APLP2: variants seen among roughly 807,000 people sequenced by gnomAD.
APLP2 encodes the protein amyloid beta precursor like protein 2.
APLP2 carries 53 observed loss-of-function variants against 89.9 expected under a neutral mutation model. The ratio of observed to expected loss-of-function variants is 0.59; its 90% CI spans 0.47 to 0.74. The LOEUF (loss-of-function observed/expected upper bound fraction) is 0.74, where lower values mean the gene tolerates loss of function less well. Ranked by LOEUF, APLP2 falls within the 30% of genes least tolerant of loss-of-function variation. The pLI, the probability that APLP2 is intolerant of heterozygous loss-of-function variation, is 0.00. For missense variants in APLP2, 973 were observed against 975.9 expected, an observed-to-expected ratio of 1.00 and a Z score of 0.04; for synonymous variants, 372 against 348.6, an observed-to-expected ratio of 1.07 and a Z score of -0.75.
chr11:130,090,247 CTTT>C lies in APLP2; in HGVS notation c.106-19163_106-19161del, dbSNP rs539249012. The stretch of plus-strand genomic sequence containing the variant: ...TGGAGTATTCTAGTTCTAGCTCTGT[CTTT>C]TTTTTTTTTTTTTTTTTTAAATTTA... On this transcript the variant is annotated intron_variant, in intron 1 of 16. Coordinates refer to ENST00000338167, the MANE Select transcript of APLP2 (RefSeq NM_001142276.2). Among the ~76,000 whole-genome samples the C allele has an allele frequency of 4.5e-3, 385 of 86,114 alleles. 3 individuals are homozygous for C. The highest frequency in any genetic ancestry group is 0.014 in the African/African-American group (324 of 23,130). The allele number at this position is 86,114 out of a possible 152,430, so 56.5% of individuals were successfully genotyped here. A position where few individuals can be genotyped will look rare whatever the true frequency, so the allele number is the denominator to read the frequency against.
rs371496726 is a variant in APLP2 at position 130,142,612 on chromosome 11, G to GTTTTGGTT, written c.2154+553_2154+560dup. Among the ~76,000 whole-genome samples the GTTTTGGTT allele has an allele frequency of 2.5e-3, 377 of 152,086 alleles. 1 individual carries two copies. Among genetic ancestry groups the GTTTTGGTT allele is most frequent in the African/African-American group, 8.8e-3 (365 of 41,462 alleles). ...CTTAGTTATTTGTGTTTTTTTGTTT[G>GTTTTGGTT]TTTTGGTTTTTTGGTTTTTTGGAGA... On this transcript the variant is annotated intron_variant, in intron 16 of 16. Coordinates refer to ENST00000338167, the MANE Select transcript of APLP2 (RefSeq NM_001142276.2).
rs1319192662 is a variant in APLP2 at position 130,141,953 on chromosome 11, T to C, written c.2033T>C (p.Leu678Pro). 1 of 1,612,266 alleles carries C rather than the reference T, an allele frequency of 6.2e-7. No homozygotes were observed. Among genetic ancestry groups the C allele is most frequent in the East Asian group, 2.2e-5 (1 of 44,800 alleles). ...SVGPLREDFS[L>P]SSSALIGLLV... ...GGCCCACTGCGGGAGGACTTCAGTC[T>C]GAGTAGCAGTGCTCTCATTGGCCTG... Residue 678 changes from leucine (L) to proline (P), a missense_variant, in exon 16 of 17, where the codon CTG (leucine) becomes CCG (proline). Physicochemically the swap from Leu to Pro is moderately conservative, Grantham distance 98. Transcript: ENST00000338167. The surrounding 1 kb of genome is among the most constrained non-coding windows in gnomAD (Gnocchi z 4.2).
chr11:130,086,759 C>T (rs1380737731), intron 1 of APLP2, among the ~76,000 whole-genome samples: 1 of 152,194 alleles, frequency 6.6e-6, no homozygotes, highest in African/African-American at 2.4e-5. Flanking sequence ...GTCTCTGCAA[C>T]ATTTGTTGCA....
rs1952412191 is a variant in APLP2, at chr11:130,141,678, AG to A, written c.1998+109del. The A allele has an allele frequency of 8.7e-6, 9 of 1,034,060 alleles. No homozygotes were observed. In the East Asian group the frequency reaches 2.2e-4, roughly 25 times the overall value. The allele number at this position is 1,034,060 out of a possible 1,614,324, so 64.1% of individuals were successfully genotyped here. On this transcript the variant is annotated intron_variant, in intron 15 of 16. Transcript: ENST00000338167. This position sits in a 1 kb window ranked among gnomAD's most constrained non-coding sequence, Gnocchi z 4.2. ...AACGGGAGAGATGCCTGAGCTAATA[AG>A]GGTCCCTCATCCCCAGCTTTCCGTA...
chr11:130,116,890 G>A (rs2135892250), intron 3 of APLP2, among the ~76,000 whole-genome samples: 1 of 152,224 alleles, frequency 6.6e-6, no homozygotes, highest in Non-Finnish European at 1.5e-5. Flanking sequence ...AGCACTTTGG[G>A]AGGCTGGGAT....
intron 1 of APLP2, chr11:130,070,608 C>A (rs1419603151): frequency 7.1e-7 from 1 of 1,399,286 alleles, no homozygotes; most frequent in Non-Finnish European, 9.3e-7. Flanking sequence ...TCGCGCGCGG[C>A]AGGGATGCTG....
Position 130,141,976 on chromosome 11 carries a change from C to T in APLP2, c.2056C>T (p.Leu686=). The part of the protein sequence containing the change: ...FSLSSSALIG[L]LVIAVAIATV... ...TCTGAGTAGCAGTGCTCTCATTGGC[C>T]TGCTGGTCATCGCAGTGGCCATTGC... The change falls in exon 16 of 17, where the codon CTG becomes TTG. Residue 686 remains leucine, a synonymous_variant. Coordinates refer to ENST00000338167, the MANE Select transcript of APLP2 (RefSeq NM_001142276.2). This position sits in a 1 kb window ranked among gnomAD's most constrained non-coding sequence, Gnocchi z 4.2. 6.2e-7 allele frequency: 1 copy of T among 1,614,134 alleles called. No individual in the cohort carries two copies. Among genetic ancestry groups the T allele is most frequent in the Non-Finnish European group, 8.5e-7 (1 of 1,180,014 alleles).
chr11:130,128,962 A>G (rs1432754540), intron 9 of APLP2, 86 bp from the exon 10 acceptor site: 2 of 1,465,582 alleles, frequency 1.4e-6, no homozygotes, highest in Non-Finnish European at 1.8e-6. Flanking sequence ...GGGCACTGAC[A>G]GGAGAAGCAC....
chr11:130,085,331 A>C lies in APLP2; in HGVS notation c.105+15249A>C, dbSNP rs183056037. Reference sequence around the variant, plus strand: ...GCCAAGCATGGTGGTAGGTGTGTGTAATCCCAGCTACTCCGGAGGCTGAGG... The same window carrying C: ...GCCAAGCATGGTGGTAGGTGTGTGTCATCCCAGCTACTCCGGAGGCTGAGG... On this transcript the variant is annotated intron_variant, in intron 1 of 16. Coordinates refer to ENST00000338167, the MANE Select transcript of APLP2 (RefSeq NM_001142276.2). 3.9e-5 allele frequency among the ~76,000 whole-genome samples: 6 copies of C among 152,308 alleles called. No homozygotes were observed. The East Asian group carries it at 1.2e-3, about 29-fold the overall frequency.
chr11:130,072,120 TAAAAAG>T (rs1270991629), intron 1 of APLP2, among the ~76,000 whole-genome samples: 1 of 152,158 alleles, frequency 6.6e-6, no homozygotes, highest in Non-Finnish European at 1.5e-5. Context: ...TACACCTGTT[TAAAAAG>T]AAAAAGCTCA....
In APLP2 at chr11:130,110,584, G is replaced by T; in HGVS notation, c.326G>T (p.Arg109Leu). The T allele has an allele frequency of 6.2e-7, 1 of 1,613,730 alleles. No homozygotes were observed. The highest frequency in any genetic ancestry group is 1.3e-5 in the African/African-American group (1 of 74,908). The change falls in exon 3 of 17, where the codon CGG becomes CTG. Residue 109 changes from arginine (R) to leucine (L), a missense_variant. Transcript: ENST00000338167. ...QITNVMEANQ[R>L]VSIDNWCRRD... ...ACAAATGTGATGGAGGCAAACCAGC[G>T]GGTTAGTATTGACAACTGGTGCCGG...
chr11:130,133,814 G>A (rs1029467581), intron 12 of APLP2, 86 bp downstream of exon 12: 1 of 1,026,496 alleles, frequency 9.7e-7, no homozygotes, highest in Non-Finnish European at 1.5e-6. Context: ...AGAGAGAGAT[G>A]AGCAAGCAAG....
At chr11:130,127,387 C>T (rs73041281) in intron 8 of APLP2, among the ~76,000 whole-genome samples, 358 of 152,290 alleles carry the variant, frequency 2.4e-3, no homozygotes, top group Non-Finnish European at 3.6e-3. Flanking sequence ...CCTTGCTAGG[C>T]CTAAGCTCCA....
chr11:130,109,319 G>GTAAATA, intron 1 of APLP2, 110 bp from the exon 2 acceptor site: 1 of 945,478 alleles, frequency 1.1e-6, no homozygotes. Flanking sequence ...GATACAAATA[G>GTAAATA]TAAATAATTA....
At chr11:130,139,078 A>G (rs1248249781) in intron 13 of APLP2, 1 of 152,166 alleles carries the variant, frequency 6.6e-6, no homozygotes, top group East Asian at 1.9e-4. Context: ...CTCTTTCTCA[A>G]ATAGTTGGAG....
intron 1 of APLP2, among the ~76,000 whole-genome samples, chr11:130,103,637 CAT>C (rs753237579): frequency 1.3e-5 from 2 of 152,152 alleles, no homozygotes; most frequent in Non-Finnish European, 2.9e-5. Context: ...TAATGAGTAA[CAT>C]GTGGAACATA....
chr11:130,127,105 C>A (rs911706772), intron 8 of APLP2, among the ~76,000 whole-genome samples: 5 of 104,628 alleles, frequency 4.8e-5, no homozygotes, highest in South Asian at 3.2e-4. Context: ...TTTAAAATTT[C>A]TTTATTTTAA....
At chr11:130,097,699 C>G (rs1228479691) in intron 1 of APLP2, among the ~76,000 whole-genome samples, 1 of 152,058 alleles carries the variant, frequency 6.6e-6, no homozygotes, top group Non-Finnish European at 1.5e-5. Flanking sequence ...CAACAAAATA[C>G]CCACAAGAAA....
At chr11:130,084,245 CAA>C (rs60341658) in intron 1 of APLP2, among the ~76,000 whole-genome samples, 1 of 137,592 alleles carries the variant, frequency 7.3e-6, no homozygotes, top group African/African-American at 2.6e-5. Flanking sequence ...GACTCCGTCT[CAA>C]AAAAAAAAAA....
Sources: gnomAD v4.1 joint callset for allele counts (sites outside exome capture counted in the v4.1 genomes callset) on GRCh38, gnomAD v4.1.1 for gene constraint, Gnocchi (gnomAD v3.1) non-coding constraint, MANE v1.5 for transcripts, NCBI Gene and HGNC (gene_info 2026-07-23, HGNC 2026-07-21) for gene names.